Variants in DLGAP1 observed in about 807,000 individuals in gnomAD.
The protein encoded by DLGAP1 is DLG associated protein 1.
Under a neutral mutation model 90.8 loss-of-function variants are expected in DLGAP1, and 11 were observed. The ratio of observed to expected loss-of-function variants is 0.12; its 90% confidence interval spans 0.08 to 0.20. The LOEUF (loss-of-function observed/expected upper bound fraction) is 0.20, where lower values mean the gene tolerates loss of function less well. DLGAP1 is among the 10% of genes least tolerant of loss of function. The pLI is 1.00. For missense variants in DLGAP1, 1,050 were observed against 1,333.8 expected (o/e 0.79, Z 3.31); for synonymous variants, 558 against 540.7 (o/e 1.03, Z -0.44).
chr18:4,427,816 G>T (rs1598404640), intron 1 of DLGAP1, among the ~76,000 whole-genome samples: 1 of 152,176 alleles, frequency 6.6e-6, no homozygotes, highest in African/African-American at 2.4e-5. Flanking sequence ...TATCATTTTT[G>T]ATTACTGATA....
intron 2 of DLGAP1, among the ~76,000 whole-genome samples, chr18:4,128,157 C>A (rs954151768): frequency 2.0e-5 from 3 of 152,102 alleles, no homozygotes; most frequent in Non-Finnish European, 4.4e-5. Context: ...CAATCAACTA[C>A]CAATTAAAAA....
Position 3,689,782 on chromosome 18 carries a change from T to C in DLGAP1, c.1591+39353A>G, listed in dbSNP as rs557592034. On this transcript the variant is annotated intron_variant, in intron 7 of 12. Coordinates refer to ENST00000315677, the MANE Select transcript of DLGAP1 (RefSeq NM_004746.4). ...AAGTATGTCTTAAGAAAAAAAAAAT[T>C]TGTGGTTAATTTGGAAAATTCTGGA... Among the ~76,000 whole-genome samples the C allele has an allele frequency of 3.9e-5, 6 of 152,172 alleles. No individual in the cohort carries two copies. The South Asian group carries it at 6.2e-4, about 16-fold the overall frequency.
At chr18:3,951,965 C>T (rs901043913) in intron 3 of DLGAP1, among the ~76,000 whole-genome samples, 2 of 152,136 alleles carry the variant, frequency 1.3e-5, no homozygotes, top group African/African-American at 2.4e-5. Flanking sequence ...TGGACTAATA[C>T]AACCTATTAA....
At chr18:4,351,662 T>A (rs1232313244) in intron 1 of DLGAP1, among the ~76,000 whole-genome samples, 1 of 152,212 alleles carries the variant, frequency 6.6e-6, no homozygotes, top group Non-Finnish European at 1.5e-5. Flanking sequence ...CTGTCCAACA[T>A]AGATAAATCT....
chr18:3,942,641 T>C (rs2072792555), intron 3 of DLGAP1, among the ~76,000 whole-genome samples: 1 of 152,210 alleles, frequency 6.6e-6, no homozygotes, highest in South Asian at 2.1e-4. Flanking sequence ...AAAGTGCATC[T>C]GCCCCTTCAC....
At chr18:4,439,127 A>C (rs77696482) in intron 1 of DLGAP1, among the ~76,000 whole-genome samples, 7,664 of 152,198 alleles carry the variant, frequency 0.05, 579 homozygotes, top group African/African-American at 0.16. Flanking sequence ...CAGGCCCATC[A>C]CAGCACCCCG....
chr18:3,974,763 A>C (rs1663302507), intron 3 of DLGAP1, among the ~76,000 whole-genome samples: 1 of 152,202 alleles, frequency 6.6e-6, no homozygotes, highest in African/African-American at 2.4e-5. Context: ...TATAAGACTC[A>C]CACCGATGAG....
chr18:3,746,118 G>A (rs1002760033), intron 5 of DLGAP1, among the ~76,000 whole-genome samples: 55 of 152,320 alleles, frequency 3.6e-4, no homozygotes, highest in East Asian at 1.3e-3. Context: ...TATTGCAAAC[G>A]TGGCAGTTGG....
chr18:3,720,888 CAAAAAA>C (rs1186426563), intron 7 of DLGAP1, among the ~76,000 whole-genome samples: 1 of 50,314 alleles, frequency 2.0e-5, no homozygotes. Flanking sequence ...CTTGTCTCTA[CAAAAAA>C]AAAAAAAAAA....
intron 3 of DLGAP1, among the ~76,000 whole-genome samples, chr18:3,928,516 T>C (rs527876815): frequency 6.6e-6 from 1 of 152,214 alleles, no homozygotes; most frequent in Non-Finnish European, 1.5e-5. Context: ...GTGATGATGA[T>C]AATAAGAATA....
At chr18:3,823,983 G>C (rs1340923760) in intron 4 of DLGAP1, among the ~76,000 whole-genome samples, 1 of 145,870 alleles carries the variant, frequency 6.9e-6, no homozygotes, top group South Asian at 2.2e-4. Context: ...AAAAAATAGA[G>C]GTCTAGGTCT....
chr18:3,551,021 G>T (rs548461099), intron 9 of DLGAP1, among the ~76,000 whole-genome samples: 2 of 151,778 alleles, frequency 1.3e-5, no homozygotes, highest in Admixed American at 6.6e-5. Context: ...GATTACAGGC[G>T]TGAGCCACCA....
At chr18:4,127,216 C>G (rs1382327661) in intron 2 of DLGAP1, among the ~76,000 whole-genome samples, 1 of 152,172 alleles carries the variant, frequency 6.6e-6, no homozygotes, top group African/African-American at 2.4e-5. Context: ...CCAGCATGCA[C>G]CTTCACACCC....
At position 3,728,300 on chromosome 18, in the gene DLGAP1, TTATA is replaced by T. The variant is rs200480157; in HGVS notation, c.1591+831_1591+834del. On this transcript the variant is annotated intron_variant, in intron 7 of 12. Coordinates refer to ENST00000315677, the MANE Select transcript of DLGAP1 (RefSeq NM_004746.4). The stretch of plus-strand genomic sequence containing the variant: ...GGATTTTCTTTTTGGAACGCAAATG[TTATA>T]TATATATATATATATATATATATAC... Among the ~76,000 whole-genome samples, 285 of 123,616 alleles carry T rather than the reference TTATA, an allele frequency of 2.3e-3. 1 individual carries two copies. Among genetic ancestry groups the T allele is most frequent in the African/African-American group, 8.4e-3 (239 of 28,604 alleles). 81.1% of individuals were successfully genotyped at this position (123,616 alleles called of 152,430 possible).
intron 4 of DLGAP1, among the ~76,000 whole-genome samples, chr18:3,823,243 A>G (rs1186830012): frequency 6.6e-6 from 1 of 152,174 alleles, no homozygotes; most frequent in Admixed American, 6.5e-5. Flanking sequence ...GGCAGAGGTG[A>G]ATGATCTAAG....
At chr18:4,453,204 C>T (rs1028690378) in intron 1 of DLGAP1, among the ~76,000 whole-genome samples, 2 of 152,118 alleles carry the variant, frequency 1.3e-5, no homozygotes, top group Non-Finnish European at 2.9e-5. Flanking sequence ...GCTACTGACA[C>T]CTGACTTCTA....
At chr18:3,731,921 C>T (rs1367477895) in intron 6 of DLGAP1, among the ~76,000 whole-genome samples, 1 of 152,110 alleles carries the variant, frequency 6.6e-6, no homozygotes, top group African/African-American at 2.4e-5. Context: ...TCTCCACTCT[C>T]CCTCTAATAG....
intron 1 of DLGAP1, among the ~76,000 whole-genome samples, chr18:4,449,336 T>A (rs761226254): frequency 7.2e-5 from 11 of 152,194 alleles, no homozygotes; most frequent in Non-Finnish European, 7.3e-5. Context: ...GCAGAGTGCA[T>A]GTTGCCTAGT....
chr18:4,083,222 T>C (rs1433852729), intron 2 of DLGAP1, among the ~76,000 whole-genome samples: 1 of 152,254 alleles, frequency 6.6e-6, no homozygotes, highest in Non-Finnish European at 1.5e-5. Context: ...TTTGATCTTA[T>C]AAATTCTGCT....
Sources: allele counts gnomAD v4.1 joint callset (sites outside exome capture counted in the v4.1 genomes callset), GRCh38; gene constraint gnomAD v4.1.1; transcripts MANE v1.5; gene names NCBI Gene and HGNC (gene_info 2026-07-23, HGNC 2026-07-21).